The following ASRGL1 variants were observed in gnomAD, a reference collection of about 807,000 sequenced individuals.
ASRGL1 encodes asparaginase and isoaspartyl peptidase 1, also known as isoaspartyl peptidase/L-asparaginase.
Under a neutral mutation model 22.4 loss-of-function variants are expected in ASRGL1, and 16 were observed. The observed-to-expected ratio is 0.71, with a 90% CI of 0.48 to 1.08. The LOEUF is 1.08. ASRGL1 is among the 50% of genes least tolerant of loss of function. ASRGL1 has a pLI of 0.00. For missense variants in ASRGL1, 412 were observed against 410.1 expected (o/e 1.00, Z -0.04); for synonymous variants, 165 against 159.3 (o/e 1.04, Z -0.27).
chr11:62,378,670 T>C (rs917870218), intron 4 of ASRGL1, among the ~76,000 whole-genome samples: 2 of 152,190 alleles, frequency 1.3e-5, no homozygotes, highest in Non-Finnish European at 2.9e-5. Context: ...GTCAGTTAAC[T>C]TATGCCATCT....
At chr11:62,401,043 C>A in the ASRGL1 span, among the ~76,000 whole-genome samples, 1 of 152,208 alleles carries the variant, frequency 6.6e-6, no homozygotes, top group East Asian at 1.9e-4. Flanking sequence ...AGCCCCTCGG[C>A]CTGGGAAAGC....
chr11:62,362,581 TAA>T (rs1378403477), intron 4 of ASRGL1, among the ~76,000 whole-genome samples: 25 of 49,144 alleles, frequency 5.1e-4, no homozygotes, highest in Admixed American at 1.5e-3. Flanking sequence ...ATATATTATA[TAA>T]AATATATAAT....
chr11:62,386,770 T>C (rs1947221290), intron 4 of ASRGL1, among the ~76,000 whole-genome samples: 2 of 152,230 alleles, frequency 1.3e-5, no homozygotes, highest in Non-Finnish European at 2.9e-5. Flanking sequence ...CCAAAGATGT[T>C]GGTACAATTG....
At chr11:62,359,403 G>A (rs1054197348) in intron 4 of ASRGL1, among the ~76,000 whole-genome samples, 5 of 151,672 alleles carry the variant, frequency 3.3e-5, no homozygotes, top group Non-Finnish European at 7.4e-5. Flanking sequence ...CCAAGATCGC[G>A]CCATTGCACT....
chr11:62,362,621 ATT>A (rs1491338660), intron 4 of ASRGL1, among the ~76,000 whole-genome samples: 1 of 80,634 alleles, frequency 1.2e-5, no homozygotes, highest in African/African-American at 5.3e-5. Flanking sequence ...TATATTATAT[ATT>A]ATATAAAATA....
intron 4 of ASRGL1, among the ~76,000 whole-genome samples, chr11:62,362,425 C>A (rs992240208): frequency 3.1e-5 from 4 of 129,302 alleles, no homozygotes; most frequent in African/African-American, 1.2e-4. Context: ...AATCTGATTT[C>A]TATTAATAAA....
intron 2 of ASRGL1, among the ~76,000 whole-genome samples, chr11:62,349,810 T>G (rs1197465427): frequency 1.3e-5 from 2 of 152,160 alleles, no homozygotes; most frequent in East Asian, 3.9e-4. Flanking sequence ...CCCATTTTTA[T>G]GGTTATTTCT....
At chr11:62,364,158 C>CA (rs71053048) in intron 4 of ASRGL1, among the ~76,000 whole-genome samples, 52,760 of 93,472 alleles carry the variant, frequency 0.56, 15,758 homozygotes, top group East Asian at 0.7. Flanking sequence ...GAGTCCGTCT[C>CA]AAAAAAAAAA....
At chr11:62,384,915 C>CAAA (rs375953895) in intron 4 of ASRGL1, among the ~76,000 whole-genome samples, 2 of 111,022 alleles carry the variant, frequency 1.8e-5, no homozygotes, top group African/African-American at 6.5e-5. Context: ...AAGACTGTCT[C>CAAA]AAAAAAAAAA....
intron 4 of ASRGL1, chr11:62,372,961 G>C (rs368828767): frequency 1.4e-5 from 21 of 1,482,286 alleles, no homozygotes; most frequent in African/African-American, 1.2e-4. Context: ...AGCACCATCA[G>C]CTGGGGCCCA....
chr11:62,372,621 G>T, intron 4 of ASRGL1: 4 of 888,320 alleles, frequency 4.5e-6, no homozygotes, highest in South Asian at 1.3e-5. Flanking sequence ...GGCCTGTGGC[G>T]CTAACCACAT....
chr11:62,388,689 AAGC>A (rs903735902), intron 4 of ASRGL1, among the ~76,000 whole-genome samples: 7 of 151,060 alleles, frequency 4.6e-5, no homozygotes, highest in Non-Finnish European at 8.9e-5. Flanking sequence ...AAAAAAAAAA[AAGC>A]AGGATTTTGG....
chr11:62,343,754 T>A lies in ASRGL1; in HGVS notation c.190+5587T>A, dbSNP rs1462508327. On this transcript the variant is annotated intron_variant, in intron 2 of 6. Transcript: ENST00000415229. ...ACAAAAAAAAAAAAAAAAAAAAAGT[T>A]CCACTTAATCCACATCTTCACCAGC... Among the ~76,000 whole-genome samples, 5 of 150,042 alleles carry A rather than the reference T, an allele frequency of 3.3e-5. No individual in the cohort carries two copies. The East Asian group carries it at 9.8e-4, about 29-fold the overall frequency.
At chr11:62,376,318 G>T (rs1946930000) in intron 4 of ASRGL1, among the ~76,000 whole-genome samples, 1 of 151,914 alleles carries the variant, frequency 6.6e-6, no homozygotes, top group Non-Finnish European at 1.5e-5. Flanking sequence ...GTGCTCGATT[G>T]CAGTGTTTCT....
At chr11:62,399,116 T>A in the ASRGL1 span, among the ~76,000 whole-genome samples, 1 of 152,184 alleles carries the variant, frequency 6.6e-6, no homozygotes, top group African/African-American at 2.4e-5. Context: ...CTCAGGAGAC[T>A]GAGGCAGGAG....
At chr11:62,372,180 T>A in intron 4 of ASRGL1, 1 of 987,958 alleles carries the variant, frequency 1.0e-6, no homozygotes, top group Non-Finnish European at 1.6e-6. Context: ...ACCAAGAGAG[T>A]AGAAGCCCCC....
At chr11:62,375,481 T>TA (rs1565169625) in intron 4 of ASRGL1, among the ~76,000 whole-genome samples, 1,104 of 84,488 alleles carry the variant, frequency 0.013, 91 homozygotes, top group South Asian at 0.032. Flanking sequence ...TATATATATA[T>TA]TTCTTGGAGT....
intron 4 of ASRGL1, among the ~76,000 whole-genome samples, chr11:62,369,028 A>G (rs1009749769): frequency 6.6e-6 from 1 of 151,956 alleles, no homozygotes; most frequent in African/African-American, 2.4e-5. Flanking sequence ...CTCAGCACAG[A>G]CCCTTTACGG....
At position 62,393,119 on chromosome 11, in the gene ASRGL1, G is replaced by C. The variant is rs987815413; in HGVS notation, c.*835G>C. The C allele has an allele frequency of 4.6e-5, 7 of 152,404 alleles. No individual in the cohort carries two copies. The highest frequency in any genetic ancestry group is 1.7e-4 in the African/African-American group (7 of 41,560). The allele number at this position is 152,404 out of a possible 1,614,324, so 9.4% of individuals were successfully genotyped here. ...CCAACAACAGAGAGGAGCTGATGCT[G>C]TAGGGCTGACCCCGTGACTTCCTGA... On this transcript the variant is annotated 3_prime_UTR_variant, in exon 7 of 7. Coordinates refer to ENST00000415229, the MANE Select transcript of ASRGL1 (RefSeq NM_001083926.2).
Sources: allele counts gnomAD v4.1 joint callset (sites outside exome capture counted in the v4.1 genomes callset), GRCh38; gene constraint gnomAD v4.1.1; transcripts MANE v1.5; gene names NCBI Gene and HGNC (gene_info 2026-07-23, HGNC 2026-07-21).